The following NIT2 variants were observed in gnomAD, a reference collection of about 807,000 sequenced individuals.
NIT2 encodes nitrilase family member 2, also known as omega-amidase NIT2.
Under a neutral mutation model 42.7 loss-of-function variants are expected in NIT2, and 46 were observed. The observed-to-expected ratio is 1.08, with a 90% CI of 0.85 to 1.38. The LOEUF is 1.38. NIT2 is among the 40% of genes most tolerant of loss of function. NIT2 has a pLI of 0.00. For synonymous variants in NIT2, 123 were observed against 121.9 expected (o/e 1.01, Z -0.06); for missense variants, 309 against 342.5 (o/e 0.90, Z 0.77).
At chr3:100,348,932 A>C in intron 7 of NIT2, 51 bp downstream of exon 7, 1 of 1,542,712 alleles carries the variant, frequency 6.5e-7, no homozygotes, top group Non-Finnish European at 8.9e-7. Flanking sequence ...TCTTTGTAGA[A>C]AGATTTCCGG....
rs190068764 is a variant in NIT2, at chr3:100,341,250, C to T, written c.336+89C>T. The T allele has an allele frequency of 2.6e-4, 218 of 836,936 alleles. 2 individuals carry two copies. The East Asian group carries it at 5.5e-3, about 21-fold the overall frequency. The allele number at this position is 836,936 out of a possible 1,614,324, so 51.8% of individuals were successfully genotyped here. On this transcript the variant is annotated intron_variant, in intron 4 of 9. Transcript: ENST00000394140. ...AATTTGCTATGAAGTTCCCTAGTCC[C>T]TCTCATTATATCACACATGTATTAG... is the stretch of plus-strand genomic sequence containing the variant.
At chr3:100,341,312 C>CATTTGCATTTTTAT (rs1213884627) in intron 4 of NIT2, 151 bp downstream of exon 4, 2 of 599,378 alleles carry the variant, frequency 3.3e-6, no homozygotes, top group Non-Finnish European at 6.0e-6. Flanking sequence ...TATTCTTGGC[C>CATTTGCATTTTTAT]ATTTGCATTT....
In NIT2 at chr3:100,348,529, G is replaced by A. The variant is rs528194322; in HGVS notation, c.506-274G>A. Among the ~76,000 whole-genome samples, 27 of 152,194 alleles carry A rather than the reference G, an allele frequency of 1.8e-4. No individual in the cohort carries two copies. The South Asian group carries it at 5.0e-3, about 28-fold the overall frequency. ...TGCCTGGAATTTTCTGTTCTCTTGC[G>A]ACCGTCCTGTATTATTTCTGTCTCA... On this transcript the variant is annotated intron_variant, in intron 6 of 9. Transcript: ENST00000394140.
At chr3:100,351,786 C>G (rs1166018107) in intron 7 of NIT2, among the ~76,000 whole-genome samples, 1 of 152,128 alleles carries the variant, frequency 6.6e-6, no homozygotes, top group Non-Finnish European at 1.5e-5. Context: ...AGAGCTTCTG[C>G]ACAGCAAAAG....
At position 100,356,675 on chromosome 3, in the gene NIT2, A is replaced by T. The variant is rs58944080; in HGVS notation, c.*1407A>T. 130 of 152,320 alleles carry T rather than the reference A, an allele frequency of 8.5e-4. 3 individuals are homozygous for T. The East Asian group carries it at 0.024, about 28-fold the overall frequency. The allele number at this position is 152,320 out of a possible 1,614,324, so 9.4% of individuals were successfully genotyped here. On this transcript the variant is annotated 3_prime_UTR_variant, in exon 10 of 10. Transcript: ENST00000394140. ...TGATGCATAATTTTACTTTAAAAAA[A>T]TAAGTGTGCAATTTGGTAAACTTTG... is the stretch of plus-strand genomic sequence containing the variant.
chr3:100,350,880 CAG>C (rs1174324214), intron 7 of NIT2, among the ~76,000 whole-genome samples: 1 of 152,106 alleles, frequency 6.6e-6, no homozygotes, highest in Admixed American at 6.6e-5. Context: ...CAACAGTCCC[CAG>C]AGTGTGATGT....
intron 4 of NIT2, among the ~76,000 whole-genome samples, chr3:100,343,958 C>T (rs919815784): frequency 1.3e-5 from 2 of 152,190 alleles, no homozygotes; most frequent in Non-Finnish European, 2.9e-5. Context: ...TTAACTTGGC[C>T]GCACCCAAAC....
intron 7 of NIT2, chr3:100,349,675 T>C (rs1706255105): frequency 6.6e-6 from 1 of 152,296 alleles, no homozygotes; most frequent in Admixed American, 6.5e-5. Flanking sequence ...TCCTACCCCC[T>C]CCTTCACACC....
chr3:100,348,094 G>A (rs931083778), intron 6 of NIT2, among the ~76,000 whole-genome samples: 2 of 152,178 alleles, frequency 1.3e-5, no homozygotes, highest in African/African-American at 4.8e-5. Context: ...GTTTCATCAT[G>A]TTGGCCAGGC....
chr3:100,351,192 C>T (rs1425882871), intron 7 of NIT2, among the ~76,000 whole-genome samples: 1 of 152,146 alleles, frequency 6.6e-6, no homozygotes, highest in East Asian at 1.9e-4. Context: ...TTTATAGCAG[C>T]ATGATTTATA....
At chr3:100,339,327 G>A (rs773936390) in intron 2 of NIT2, 122 bp downstream of exon 2, 2 of 726,752 alleles carry the variant, frequency 2.8e-6, no homozygotes, top group Non-Finnish European at 5.0e-6. Context: ...CCCATAGATT[G>A]TTCCGAGTCT....
chr3:100,351,671 C>T (rs570897150), intron 7 of NIT2, among the ~76,000 whole-genome samples: 2 of 152,248 alleles, frequency 1.3e-5, no homozygotes, highest in East Asian at 3.9e-4. Context: ...AAAACCTAGG[C>T]ATTACCATTC....
intron 7 of NIT2, 80 bp downstream of exon 7, chr3:100,348,961 C>T (rs1706245665): frequency 2.5e-6 from 3 of 1,190,886 alleles, no homozygotes; most frequent in African/African-American, 3.0e-5. Context: ...AGGTGCCAGC[C>T]TTCCTGATGT....
Position 100,356,686 on chromosome 3 carries a change from A to G in NIT2, c.*1418A>G, listed in dbSNP as rs1257331373. Reference sequence around the variant, plus strand: ...TTTACTTTAAAAAAATAAGTGTGCAATTTGGTAAACTTTGACATATACAGC... The same window carrying G: ...TTTACTTTAAAAAAATAAGTGTGCAGTTTGGTAAACTTTGACATATACAGC... On this transcript the variant is annotated 3_prime_UTR_variant, in exon 10 of 10. Coordinates refer to ENST00000394140, the MANE Select transcript of NIT2 (RefSeq NM_020202.5). The G allele has an allele frequency of 6.6e-6, 1 of 152,218 alleles. No individual in the cohort carries two copies. The highest frequency in any genetic ancestry group is 1.5e-5 in the Non-Finnish European group (1 of 68,034). The allele number at this position is 152,218 out of a possible 1,614,324, so 9.4% of individuals were successfully genotyped here.
chr3:100,345,935 C>T (rs1706212287), intron 5 of NIT2: 2 of 593,354 alleles, frequency 3.4e-6, no homozygotes, highest in Admixed American at 6.0e-5. Context: ...CAGTTGAGTA[C>T]CTCCCATCTA....
chr3:100,336,425 A>G (rs1451243068), intron 1 of NIT2, among the ~76,000 whole-genome samples: 1 of 152,118 alleles, frequency 6.6e-6, no homozygotes, highest in African/African-American at 2.4e-5. Context: ...TAGAGAAAGA[A>G]GTAGGGGGGC....
intron 8 of NIT2, among the ~76,000 whole-genome samples, chr3:100,352,987 T>G (rs1224471778): frequency 6.6e-6 from 1 of 152,230 alleles, no homozygotes; most frequent in African/African-American, 2.4e-5. Context: ...AGCATTTTAT[T>G]ACTCAGTGGA....
rs970862251 is a variant in NIT2, at chr3:100,355,947, G to A, written c.*679G>A. 5.9e-5 allele frequency: 9 copies of A among 152,236 alleles called. No homozygotes were observed. The highest frequency in any genetic ancestry group is 1.9e-4 in the African/African-American group (8 of 41,452). 9.4% of individuals were successfully genotyped at this position (152,236 alleles called of 1,614,324 possible). A position where few individuals can be genotyped will look rare whatever the true frequency, so the allele number is the denominator to read the frequency against. ...AAAGATTTTTTTGATAGCGTTGAGT[G>A]TCTGAAAGTCCCATTATTTTTCTTT... On this transcript the variant is annotated 3_prime_UTR_variant, in exon 10 of 10. Coordinates refer to ENST00000394140, the MANE Select transcript of NIT2 (RefSeq NM_020202.5).
rs146871122 is a variant in NIT2 at position 100,354,197 on chromosome 3, C to T, written c.684-575C>T. On this transcript the variant is annotated intron_variant, in intron 8 of 9. Transcript: ENST00000394140. ...TCCCCCCATGCCACTTCTACCCAGT[C>T]GCCAGAGGTTGAACTCTTTCCCTCA... Among the ~76,000 whole-genome samples, 1,456 of 152,318 alleles carry T rather than the reference C, an allele frequency of 9.6e-3. 22 individuals are homozygous for T. Among genetic ancestry groups the T allele is most frequent in the African/African-American group, 0.034 (1,399 of 41,568 alleles).
Sources: allele counts gnomAD v4.1 joint callset (sites outside exome capture counted in the v4.1 genomes callset), GRCh38; gene constraint gnomAD v4.1.1; transcripts MANE v1.5; gene names NCBI Gene and HGNC (gene_info 2026-07-23, HGNC 2026-07-21).